Variants in FANCI observed in about 807,000 individuals in gnomAD.
The protein encoded by FANCI is FA complementation group I.
A neutral mutation model predicts 176.1 loss-of-function variants in FANCI; 156 were observed. The ratio of observed to expected loss-of-function variants is 0.89; its 90% CI spans 0.78 to 1.01. The LOEUF is 1.01. Among genes scored for constraint, FANCI ranks in the 50% least tolerant of loss-of-function variants. The pLI is 0.00. For synonymous variants in FANCI, 613 were observed against 541.7 expected (o/e 1.13, Z -1.83); for missense variants, 1,678 against 1,534.1 (o/e 1.09, Z -1.57).
intron 34 of FANCI, among the ~76,000 whole-genome samples, chr15:89,308,932 C>T (rs1478882393): frequency 6.9e-6 from 1 of 144,338 alleles, no homozygotes; most frequent in Non-Finnish European, 1.5e-5. Context: ...GCAACAAGAG[C>T]GAAACTCCGT....
intron 25 of FANCI, 37 bp from the exon 26 acceptor site, chr15:89,300,263 A>C (rs779401058): frequency 3.8e-6 from 6 of 1,592,378 alleles, no homozygotes; most frequent in Non-Finnish European, 5.2e-6. Flanking sequence ...GTATGAGTTT[A>C]TATCAAAGAA....
chr15:89,305,520 C>A, intron 30 of FANCI, 85 bp from the exon 31 acceptor site: 1 of 1,598,080 alleles, frequency 6.3e-7, no homozygotes, highest in Non-Finnish European at 8.6e-7. Context: ...CTGTAACCCA[C>A]CTGTAGGTGG....
At position 89,283,257 on chromosome 15, in the gene FANCI, A is replaced by G; in HGVS notation, c.1698+7A>G. 2 of 1,613,976 alleles carry G rather than the reference A, an allele frequency of 1.2e-6. No homozygotes were observed. The highest frequency in any genetic ancestry group is 1.7e-6 in the Non-Finnish European group (2 of 1,179,910). On this transcript the variant is annotated splice_region_variant and intron_variant, in intron 17 of 37. Coordinates refer to ENST00000310775, the MANE Select transcript of FANCI (RefSeq NM_001113378.2). The stretch of plus-strand genomic sequence containing the variant: ...GTCTCTCAGTGTCAGTCAGGTAAGG[A>G]TTATTTACGTTAACTTGCAGTGTGT...
intron 18 of FANCI, among the ~76,000 whole-genome samples, chr15:89,286,603 G>A (rs1429025086): frequency 6.6e-6 from 1 of 152,102 alleles, no homozygotes; most frequent in African/African-American, 2.4e-5. Context: ...AAAATATTCA[G>A]CAAACCATGC....
intron 9 of FANCI, among the ~76,000 whole-genome samples, chr15:89,265,014 G>A (rs568223120): frequency 7.2e-4 from 109 of 152,266 alleles, no homozygotes; most frequent in Admixed American, 1.6e-3. Context: ...TCAAATGGAT[G>A]ATCTACCACT....
chr15:89,300,721 C>T lies in FANCI; in HGVS notation c.2889+336C>T, dbSNP rs56410124. Among the ~76,000 whole-genome samples the T allele has an allele frequency of 4.3e-3, 656 of 152,276 alleles. 8 individuals are homozygous for T. Among genetic ancestry groups the T allele is most frequent in the African/African-American group, 0.015 (622 of 41,544 alleles). On this transcript the variant is annotated intron_variant, in intron 26 of 37. Transcript: ENST00000310775. ...TAATTTGGCTTGGTCTGACAGACAA[C>T]GTAAACACTGGACAATAAAGTTTGT...
chr15:89,272,786 C>A (rs2053248523), intron 10 of FANCI, among the ~76,000 whole-genome samples: 1 of 152,114 alleles, frequency 6.6e-6, no homozygotes, highest in African/African-American at 2.4e-5. Flanking sequence ...TCTCCTGCCT[C>A]AACCTCCCGA....
intron 23 of FANCI, 60 bp from the exon 24 acceptor site, chr15:89,294,855 A>G (rs909373999): frequency 3.6e-5 from 55 of 1,509,718 alleles, no homozygotes; most frequent in South Asian, 3.7e-5. Context: ...GCTTAATTCC[A>G]TATACCAATA....
chr15:89,246,086 G>A (rs1238370966), intron 1 of FANCI, among the ~76,000 whole-genome samples: 1 of 152,220 alleles, frequency 6.6e-6, no homozygotes, highest in Non-Finnish European at 1.5e-5. Flanking sequence ...GAGCAGCTGA[G>A]TGGATGATGG....
chr15:89,310,730 C>G (rs893982442), intron 34 of FANCI, among the ~76,000 whole-genome samples: 10 of 152,246 alleles, frequency 6.6e-5, no homozygotes, highest in African/African-American at 2.4e-4. Context: ...TTGTAGCCCC[C>G]TCTTCATTTC....
At chr15:89,300,439 TG>T in intron 26 of FANCI, 54 bp downstream of exon 26, 3 of 1,505,254 alleles carry the variant, frequency 2.0e-6, no homozygotes, top group Non-Finnish European at 2.8e-6. Context: ...GCAAAGGAAC[TG>T]TTAGCAGGGG....
At chr15:89,304,255 C>G (rs781493070) in intron 28 of FANCI, among the ~76,000 whole-genome samples, 6 of 152,138 alleles carry the variant, frequency 3.9e-5, no homozygotes, top group Non-Finnish European at 7.3e-5. Flanking sequence ...TAAAACAAAC[C>G]TAAGTGTTCA....
Position 89,264,625 on chromosome 15 carries a change from G to T in FANCI, c.755+18G>T. ...GGTGACGAGTGAGTAATATAGTGTA[G>T]AAATAAAGATCATTTTTACAAATTC... On this transcript the variant is annotated intron_variant, in intron 9 of 37. Coordinates refer to ENST00000310775, the MANE Select transcript of FANCI (RefSeq NM_001113378.2). 1 of 1,591,168 alleles carries T rather than the reference G, an allele frequency of 6.3e-7. No homozygotes were observed. The highest frequency in any genetic ancestry group is 1.1e-5 in the South Asian group (1 of 90,480).
intron 1 of FANCI, among the ~76,000 whole-genome samples, chr15:89,246,922 C>T (rs1291569705): frequency 4.0e-5 from 6 of 151,802 alleles, no homozygotes; most frequent in East Asian, 1.9e-4. Flanking sequence ...CCCGCCACCA[C>T]GCCCAGCTAA....
chr15:89,276,913 C>T lies in FANCI; in HGVS notation c.1293+22C>T, dbSNP rs750088282. The T allele has an allele frequency of 3.1e-6, 5 of 1,613,634 alleles. No homozygotes were observed. In the South Asian group the frequency reaches 4.4e-5, roughly 14 times the overall value. On this transcript the variant is annotated intron_variant, in intron 13 of 37. Transcript: ENST00000310775. Reference sequence around the variant, plus strand: ...TAAGGTGAGACACTATTTTGGCAACCACTCCCTAATTTTGTTTAAATAATC... The same window carrying T: ...TAAGGTGAGACACTATTTTGGCAACTACTCCCTAATTTTGTTTAAATAATC...
At chr15:89,268,653 T>A (rs949795088) in intron 10 of FANCI, 128 bp downstream of exon 10, 1 of 654,068 alleles carries the variant, frequency 1.5e-6, no homozygotes, top group Non-Finnish European at 2.2e-6. Flanking sequence ...GAGGATCTCT[T>A]TTTTTTTTTT....
intron 9 of FANCI, among the ~76,000 whole-genome samples, chr15:89,267,284 C>T (rs994655462): frequency 4.0e-5 from 6 of 149,198 alleles, no homozygotes; most frequent in African/African-American, 1.5e-4. Context: ...TGCACCTTTG[C>T]ATTCCATCCT....
chr15:89,258,613 G>C (rs564177753), intron 2 of FANCI, 91 bp from the exon 3 acceptor site: 1 of 945,610 alleles, frequency 1.1e-6, no homozygotes, highest in Non-Finnish European at 1.7e-6. Context: ...TGATCTGAAC[G>C]TGACAGAAGA....
In FANCI at chr15:89,283,854, C is replaced by T. The variant is rs202104173; in HGVS notation, c.1698+604C>T. Among the ~76,000 whole-genome samples, 87 of 151,898 alleles carry T rather than the reference C, an allele frequency of 5.7e-4. 1 individual carries two copies. In the East Asian group the frequency reaches 0.015, roughly 25 times the overall value. ...TGCAACTCACTGCAAGCTCTGCCTC[C>T]CGGGTTCACGCCATTCTCCTGCCTC... On this transcript the variant is annotated intron_variant, in intron 17 of 37. Coordinates refer to ENST00000310775, the MANE Select transcript of FANCI (RefSeq NM_001113378.2).
Sources: allele counts gnomAD v4.1 joint callset (sites outside exome capture counted in the v4.1 genomes callset), GRCh38; gene constraint gnomAD v4.1.1; transcripts MANE v1.5; gene names NCBI Gene and HGNC (gene_info 2026-07-23, HGNC 2026-07-21).